EML6: variants seen among roughly 807,000 people sequenced by gnomAD.
EML6 encodes echinoderm microtubule-associated protein-like 6.
A neutral mutation model predicts 240.1 loss-of-function variants in EML6; 154 were observed. The ratio of observed to expected loss-of-function variants is 0.64; its 90% confidence interval spans 0.56 to 0.73. The LOEUF is 0.73. Among genes scored for constraint, EML6 ranks in the 30% least tolerant of loss-of-function variants. The probability of loss-of-function intolerance (pLI) is 0.00; values close to 1 mark genes in which losing one functional copy is unlikely to be tolerated. For missense variants in EML6, 2,964 were observed against 2,474.6 expected, an observed-to-expected ratio of 1.20 and a Z score of -4.20; for synonymous variants, 1,148 against 899.0, an observed-to-expected ratio of 1.28 and a Z score of -4.95.
intron 28 of EML6, among the ~76,000 whole-genome samples, chr2:54,946,824 A>G (rs1675716826): frequency 6.6e-6 from 1 of 151,920 alleles, no homozygotes; most frequent in Non-Finnish European, 1.5e-5. Flanking sequence ...TGCTCCTCTC[A>G]TCTTCAGTTT....
chr2:54,927,809 C>A (rs755462636), intron 26 of EML6, among the ~76,000 whole-genome samples: 1 of 152,228 alleles, frequency 6.6e-6, no homozygotes, highest in East Asian at 1.9e-4. Flanking sequence ...TTCTTTCTAG[C>A]GTCTGTGGCA....
intron 7 of EML6, among the ~76,000 whole-genome samples, chr2:54,837,806 T>C (rs1455740392): frequency 6.6e-6 from 1 of 152,310 alleles, no homozygotes; most frequent in Non-Finnish European, 1.5e-5. Flanking sequence ...CTGGGAGGAA[T>C]ATCTGGGAGG....
chr2:54,796,833 G>C (rs1387533811), intron 2 of EML6, among the ~76,000 whole-genome samples: 1 of 152,048 alleles, frequency 6.6e-6, no homozygotes, highest in African/African-American at 2.4e-5. Flanking sequence ...TTAAGTGCAG[G>C]AGTAAATGAT....
intron 2 of EML6, among the ~76,000 whole-genome samples, chr2:54,776,083 T>C (rs1035465692): frequency 2.0e-5 from 3 of 152,218 alleles, no homozygotes; most frequent in African/African-American, 7.2e-5. Flanking sequence ...AGCCTTATCC[T>C]GGTTATACCA....
At chr2:54,866,710 T>C in intron 13 of EML6, 56 bp from the exon 14 acceptor site, 1 of 974,144 alleles carries the variant, frequency 1.0e-6, no homozygotes, top group South Asian at 1.6e-5. Flanking sequence ...AAGATGCTGA[T>C]ATTTTTGGAA....
intron 11 of EML6, among the ~76,000 whole-genome samples, chr2:54,857,592 A>G (rs1294703623): frequency 6.6e-6 from 1 of 152,208 alleles, no homozygotes; most frequent in African/African-American, 2.4e-5. Flanking sequence ...TGCTGTGAAG[A>G]AAAATAAAGC....
chr2:54,866,790 C>G lies in EML6; in HGVS notation c.1957C>G (p.Leu653Val). 2 of 1,550,718 alleles carry G rather than the reference C, an allele frequency of 1.3e-6. No homozygotes were observed. The highest frequency in any genetic ancestry group is 1.7e-6 in the Non-Finnish European group (2 of 1,146,162). The change falls in exon 14 of 42, where the codon CTA (leucine) becomes GTA (valine). Residue 653 changes from leucine to valine, a missense_variant. Transcript: ENST00000356458. The part of the protein sequence containing the change: ...RQVYKEDLPQ[L>V]KQQSKEKNHA... ...GGTTTACAAAGAAGATCTACCTCAG[C>G]TAAAGCAACAAAGTAAAGAGAAAAA...
chr2:54,842,582 A>G (rs1454399663), intron 7 of EML6, among the ~76,000 whole-genome samples: 5 of 152,236 alleles, frequency 3.3e-5, no homozygotes, highest in Non-Finnish European at 7.3e-5. Context: ...TATCCCAGAG[A>G]CACAGTGCCT....
At position 54,725,207 on chromosome 2, in the gene EML6, C is replaced by G. The variant is rs961191519; in HGVS notation, c.146C>G (p.Thr49Ser). The G allele has an allele frequency of 6.6e-7, 1 of 1,504,552 alleles. No individual in the cohort carries two copies. The highest frequency in any genetic ancestry group is 2.2e-5 in the Admixed American group (1 of 45,970). 93.2% of individuals were successfully genotyped at this position (1,504,552 alleles called of 1,614,324 possible). The change falls in exon 2 of 42, where the codon ACC (threonine) becomes AGC (serine). Residue 49 changes from threonine (T) to serine (S), a missense_variant. By Grantham distance (58) the Thr-to-Ser change is moderately conservative. Coordinates refer to ENST00000356458, the MANE Select transcript of EML6 (RefSeq NM_001039753.4). The surrounding 1 kb of genome is among the most constrained non-coding windows in gnomAD (Gnocchi z 4.3). ...FVAGVGVVYN[T>S]REHSQKFFLG... ...GCTGGGGTCGGGGTGGTTTACAACA[C>G]CCGCGAGCACAGCCAAAAATTCTTC...
chr2:54,853,849 A>G lies in EML6; in HGVS notation c.1651A>G (p.Lys551Glu), dbSNP rs1670225130. Residue 551 changes from lysine (K) to glutamate (E), a missense_variant, in exon 11 of 42, where the codon AAG becomes GAG. Coordinates refer to ENST00000356458, the MANE Select transcript of EML6 (RefSeq NM_001039753.4). ...LVKLFKFPCLKRGAKFRKYVG... is the reference protein window; with the variant it reads ...LVKLFKFPCLERGAKFRKYVG... ...TAAATTGTTTAAATTTCCTTGTCTC[A>G]AGAGAGGTAAGGCCAAAAGAGATGT... 1.3e-6 allele frequency: 2 copies of G among 1,548,938 alleles called. No individual in the cohort carries two copies. The highest frequency in any genetic ancestry group is 8.7e-7 in the Non-Finnish European group (1 of 1,144,738).
At chr2:54,949,626 C>G (rs1245716182) in intron 29 of EML6, among the ~76,000 whole-genome samples, 1 of 152,190 alleles carries the variant, frequency 6.6e-6, no homozygotes, top group South Asian at 2.1e-4. Flanking sequence ...CCCAATGCCT[C>G]CAGAGTTGGT....
At chr2:54,779,865 G>GAAAAAAAAAAAA (rs3036161) in intron 2 of EML6, among the ~76,000 whole-genome samples, 5 of 113,154 alleles carry the variant, frequency 4.4e-5, no homozygotes. Flanking sequence ...CAAAAAAAAA[G>GAAAAAAAAAAAA]AAAAAAAAAA....
intron 28 of EML6, among the ~76,000 whole-genome samples, chr2:54,929,492 C>T (rs1412751920): frequency 6.6e-6 from 1 of 152,098 alleles, no homozygotes; most frequent in African/African-American, 2.4e-5. Flanking sequence ...AAGAGAATTT[C>T]GTGGATCTCA....
intron 7 of EML6, among the ~76,000 whole-genome samples, chr2:54,841,120 A>T (rs572103045): frequency 6.6e-6 from 1 of 152,316 alleles, no homozygotes; most frequent in Non-Finnish European, 1.5e-5. Context: ...TGGCAACAGG[A>T]TCATGGGCGC....
Position 54,950,740 on chromosome 2 carries a change from C to T in EML6, c.4174C>T (p.His1392Tyr). The change falls in exon 30 of 42, where the codon CAC becomes TAC. Residue 1392 changes from histidine (H) to tyrosine (Y), a missense_variant. By Grantham distance (83) the His-to-Tyr change is moderately conservative (BLOSUM62 2). Transcript: ENST00000356458. Reference sequence around the variant, plus strand: ...TAATGATGGCGCTGACATCATCTTCCACACAGCAGCGGCTGGCATCGTTCA... The same window carrying T: ...TAATGATGGCGCTGACATCATCTTCTACACAGCAGCGGCTGGCATCGTTCA... ...YLNDGADIIFHTAAAGIVQNL... is the reference protein window; with the variant it reads ...YLNDGADIIFYTAAAGIVQNL... 1.9e-6 allele frequency: 3 copies of T among 1,551,676 alleles called. No homozygotes were observed. Among genetic ancestry groups the T allele is most frequent in the African/African-American group, 1.4e-5 (1 of 73,188 alleles).
At chr2:54,892,365 C>A in intron 18 of EML6, 89 bp from the exon 19 acceptor site, 1 of 771,894 alleles carries the variant, frequency 1.3e-6, no homozygotes, top group Non-Finnish European at 2.1e-6. Context: ...TAATGAGAGA[C>A]ACCAGGTTTC....
chr2:54,884,987 C>T (rs945761203), intron 17 of EML6, among the ~76,000 whole-genome samples: 25 of 151,796 alleles, frequency 1.6e-4, no homozygotes, highest in African/African-American at 6.1e-4. Context: ...CAGCCCGGCC[C>T]CCGTCTCTAC....
rs1410692032 is a variant in EML6, at chr2:54,863,837, C to G, written c.1880C>G (p.Pro627Arg). Residue 627 changes from proline (P) to arginine (R), a missense_variant, in exon 13 of 42, where the codon CCC becomes CGC. Coordinates refer to ENST00000356458, the MANE Select transcript of EML6 (RefSeq NM_001039753.4). ...TCTGATTCAGATTTATCTGATGTGCCCGAACTGGACTCTGATATTGAGCAA... is the reference window on the plus strand; with the variant it reads ...TCTGATTCAGATTTATCTGATGTGCGCGAACTGGACTCTGATATTGAGCAA... Reference protein sequence around the residue: ...EESDSDLSDVPELDSDIEQEA... With the variant: ...EESDSDLSDVRELDSDIEQEA... 1 of 1,548,922 alleles carries G rather than the reference C, an allele frequency of 6.5e-7. No homozygotes were observed. Among genetic ancestry groups the G allele is most frequent in the East Asian group, 2.5e-5 (1 of 40,768 alleles).
At chr2:54,803,970 G>A (rs192631997) in intron 2 of EML6, among the ~76,000 whole-genome samples, 186 of 152,288 alleles carry the variant, frequency 1.2e-3, no homozygotes, top group African/African-American at 3.8e-3. Context: ...AGAATGATAG[G>A]CCATTTAATG....
Sources: allele counts gnomAD v4.1 joint callset (sites outside exome capture counted in the v4.1 genomes callset), GRCh38; gene constraint gnomAD v4.1.1; non-coding constraint Gnocchi (gnomAD v3.1); transcripts MANE v1.5; gene names NCBI Gene and HGNC (gene_info 2026-07-23, HGNC 2026-07-21).